RYR2: variants seen among roughly 807,000 people sequenced by gnomAD.
RYR2 encodes the protein cardiac muscle ryanodine receptor-calcium release channel.
Under a neutral mutation model 601.1 loss-of-function variants are expected in RYR2, and 227 were observed. The observed-to-expected ratio is 0.38, with a 90% CI of 0.34 to 0.42. The LOEUF (loss-of-function observed/expected upper bound fraction) is 0.42, where lower values mean the gene tolerates loss of function less well. Among genes scored for constraint, RYR2 ranks in the 10% least tolerant of loss-of-function variants. The probability of loss-of-function intolerance (pLI) is 1.00; values close to 1 mark genes in which losing one functional copy is unlikely to be tolerated. For synonymous variants in RYR2, 2,223 were observed against 2,175.1 expected (o/e 1.02, Z -0.61); for missense variants, 4,646 against 6,156.5 (o/e 0.75, Z 8.21).
chr1:237,494,821 T>C (rs1663857529), intron 19 of RYR2, among the ~76,000 whole-genome samples: 1 of 152,134 alleles, frequency 6.6e-6, no homozygotes, highest in South Asian at 2.1e-4. Flanking sequence ...GACAGAGTCT[T>C]GCTCTGTCAC....
chr1:237,539,239 T>C (rs544886774), intron 25 of RYR2, among the ~76,000 whole-genome samples: 24 of 152,374 alleles, frequency 1.6e-4, no homozygotes, highest in Admixed American at 7.2e-4. Flanking sequence ...AGTTTGACTC[T>C]CACTTCCCCT....
chr1:237,565,570 A>G (rs1671980055), intron 27 of RYR2, among the ~76,000 whole-genome samples: 2 of 152,158 alleles, frequency 1.3e-5, no homozygotes, highest in Non-Finnish European at 2.9e-5. Context: ...ACCAGTAACT[A>G]GTAACTCTGT....
intron 33 of RYR2, among the ~76,000 whole-genome samples, chr1:237,594,007 G>A (rs1675527964): frequency 6.6e-6 from 1 of 152,180 alleles, no homozygotes; most frequent in Non-Finnish European, 1.5e-5. Context: ...GCTATGTGGT[G>A]GGGAGAAAAC....
chr1:237,569,365 G>A (rs1228013452), intron 29 of RYR2, 46 bp downstream of exon 29: 1 of 1,575,414 alleles, frequency 6.3e-7, no homozygotes, highest in Non-Finnish European at 8.6e-7. Flanking sequence ...GCAGCACAAG[G>A]AAGCTTTCAT....
chr1:237,246,199 G>A (rs1434853249), intron 1 of RYR2, among the ~76,000 whole-genome samples: 2 of 152,030 alleles, frequency 1.3e-5, no homozygotes, highest in East Asian at 1.9e-4. Context: ...GGGTTCCAGC[G>A]ATTCTCCTGC....
chr1:237,205,873 C>A (rs1471441182), intron 1 of RYR2, among the ~76,000 whole-genome samples: 1 of 152,132 alleles, frequency 6.6e-6, no homozygotes, highest in Non-Finnish European at 1.5e-5. Flanking sequence ...ACTGTCTGGA[C>A]CTGGACCGGA....
rs1433155470 is a variant in RYR2, at chr1:237,625,745, T to C, written c.6107T>C (p.Val2036Ala). Residue 2036 changes from valine (V) to alanine (A), a missense_variant, in exon 40 of 105, where the codon GTG (valine) becomes GCG (alanine). Transcript: ENST00000366574. The part of the protein sequence containing the change: ...RGRLLSLVEK[V>A]TYLKKKQAEK... ...CGTCTGCTATCCCTGGTAGAAAAGG[T>C]GACATATCTGAAGAAGAAGCAAGCA... The C allele has an allele frequency of 6.2e-7, 1 of 1,613,616 alleles. No individual in the cohort carries two copies. The highest frequency in any genetic ancestry group is 1.3e-5 in the African/African-American group (1 of 74,872).
rs778066237 is a variant in RYR2, at chr1:237,732,029, A to T, written c.10936-17A>T. 6.5e-7 allele frequency: 1 copy of T among 1,547,716 alleles called. No individual in the cohort carries two copies. The highest frequency in any genetic ancestry group is 2.3e-5 in the East Asian group (1 of 44,390). ...TTTTTTTTAATGTGACATTTTATAA[A>T]TTTGACTTTTTTGCAGAAACCTGGG... On this transcript the variant is annotated splice_polypyrimidine_tract_variant and intron_variant, in intron 77 of 104. Coordinates refer to ENST00000366574, the MANE Select transcript of RYR2 (RefSeq NM_001035.3).
intron 78 of RYR2, 133 bp from the exon 79 acceptor site, chr1:237,733,572 T>G: frequency 1.5e-6 from 1 of 686,460 alleles, no homozygotes; most frequent in Non-Finnish European, 2.6e-6. Flanking sequence ...ATTGTCTTAG[T>G]TTTGTGTTCA....
At chr1:237,177,889 A>T (rs376726186) in intron 1 of RYR2, among the ~76,000 whole-genome samples, 1 of 152,200 alleles carries the variant, frequency 6.6e-6, no homozygotes, top group Non-Finnish European at 1.5e-5. Context: ...TCAAAGAAAC[A>T]TATATAAATT....
At chr1:237,613,489 G>A (rs116000654) in intron 36 of RYR2, among the ~76,000 whole-genome samples, 2,675 of 152,218 alleles carry the variant, frequency 0.018, 32 homozygotes, top group Non-Finnish European at 0.027. Context: ...ATTGTTTTGA[G>A]GTGGAGTCTC....
intron 2 of RYR2, among the ~76,000 whole-genome samples, chr1:237,295,229 A>G (rs1278772697): frequency 1.3e-5 from 2 of 151,974 alleles, no homozygotes; most frequent in African/African-American, 4.8e-5. Context: ...GTCTCCAAAA[A>G]AAGTAAAATA....
chr1:237,061,211 T>TTCTATCTATCTATCTATCTA (rs55747600), intron 1 of RYR2, among the ~76,000 whole-genome samples: 38 of 104,250 alleles, frequency 3.6e-4, no homozygotes, highest in African/African-American at 6.5e-4. Flanking sequence ...AATACGGTTG[T>TTCTATCTATCTATCTATCTA]TCTATCTATC....
chr1:237,547,425 G>A (rs756976386), intron 25 of RYR2, among the ~76,000 whole-genome samples: 13 of 152,038 alleles, frequency 8.6e-5, no homozygotes, highest in Admixed American at 3.9e-4. Context: ...ATATTAATTT[G>A]GTAAATGAAA....
At chr1:237,676,848 T>C (rs1685444921) in intron 60 of RYR2, among the ~76,000 whole-genome samples, 1 of 152,160 alleles carries the variant, frequency 6.6e-6, no homozygotes, top group Admixed American at 6.6e-5. Context: ...TTAAATGTAG[T>C]AAAAGACATT....
Position 237,532,488 on chromosome 1 carries a change from C to T in RYR2, c.2906+1978C>T, listed in dbSNP as rs143088736. On this transcript the variant is annotated intron_variant, in intron 25 of 104. Transcript: ENST00000366574. ...CAAAAATTGGAATCTACCTAACTTC[C>T]AAAAGAATTCATTATCCTCTCATTT... Among the ~76,000 whole-genome samples the T allele has an allele frequency of 4.5e-3, 689 of 151,964 alleles. 4 individuals are homozygous for T. Among genetic ancestry groups the T allele is most frequent in the African/African-American group, 0.016 (646 of 41,462 alleles).
Position 237,821,826 on chromosome 1 carries a change from C to A in RYR2, c.14590+2634C>A, listed in dbSNP as rs142329768. On this transcript the variant is annotated intron_variant, in intron 101 of 104. Coordinates refer to ENST00000366574, the MANE Select transcript of RYR2 (RefSeq NM_001035.3). ...CTAGAATAACCAGATTAGAGGAGAA[C>A]ATAAATGACCTGATGGAGCTGAAAA... is the stretch of plus-strand genomic sequence containing the variant. Among the ~76,000 whole-genome samples the A allele has an allele frequency of 2.4e-3, 365 of 151,750 alleles. 1 individual carries two copies. Among genetic ancestry groups the A allele is most frequent in the Middle Eastern group, 0.01 (3 of 294 alleles).
rs562597543 is a variant in RYR2, at chr1:237,470,928, C to G, written c.1708+1741C>G. Among the ~76,000 whole-genome samples, 9 of 151,754 alleles carry G rather than the reference C, an allele frequency of 5.9e-5. No homozygotes were observed. In the East Asian group the frequency reaches 1.6e-3, roughly 26 times the overall value. On this transcript the variant is annotated intron_variant, in intron 17 of 104. Coordinates refer to ENST00000366574, the MANE Select transcript of RYR2 (RefSeq NM_001035.3). ...GAGAGGAAAGAGAGAGAGAGAGAGA[C>G]AGAGAGAGATCACGATTGAGAAATC...
chr1:237,641,035 T>C, intron 47 of RYR2, 33 bp downstream of exon 47: 1 of 1,516,554 alleles, frequency 6.6e-7, no homozygotes, highest in Non-Finnish European at 9.1e-7. Flanking sequence ...GCAGCAATCC[T>C]GATTTCTCTG....
Sources: allele counts gnomAD v4.1 joint callset (sites outside exome capture counted in the v4.1 genomes callset), GRCh38; gene constraint gnomAD v4.1.1; transcripts MANE v1.5; gene names NCBI Gene and HGNC (gene_info 2026-07-23, HGNC 2026-07-21).